CSMD3: variants seen among roughly 807,000 people sequenced by gnomAD.
CSMD3 encodes CUB and sushi domain-containing protein 3.
In CSMD3, 177 loss-of-function variants were observed where a neutral mutation model predicts 435.2. The ratio of observed to expected loss-of-function variants is 0.41; its 90% CI spans 0.36 to 0.46. CSMD3 has a LOEUF of 0.46. Ranked by LOEUF, CSMD3 falls within the 20% of genes least tolerant of loss-of-function variation. The probability of loss-of-function intolerance (pLI) is 0.34; values close to 1 mark genes in which losing one functional copy is unlikely to be tolerated. For missense variants in CSMD3, 4,265 were observed against 4,504.6 expected (o/e 0.95, Z 1.52); for synonymous variants, 1,656 against 1,520.5 (o/e 1.09, Z -2.07).
intron 3 of CSMD3, among the ~76,000 whole-genome samples, chr8:113,248,477 GTATA>G (rs1491296994): frequency 7.5e-6 from 1 of 133,024 alleles, no homozygotes. Context: ...TGATATATAT[GTATA>G]TATACATATA....
intron 67 of CSMD3, among the ~76,000 whole-genome samples, chr8:112,235,970 C>G (rs1813552189): frequency 6.6e-6 from 1 of 151,736 alleles, no homozygotes; most frequent in South Asian, 2.1e-4. Flanking sequence ...GTTAACACAT[C>G]AAAGTTAAAT....
At chr8:112,283,453 A>G (rs1818863196) in intron 58 of CSMD3, among the ~76,000 whole-genome samples, 1 of 151,786 alleles carries the variant, frequency 6.6e-6, no homozygotes, top group African/African-American at 2.4e-5. Context: ...TCCACCACTG[A>G]AAAATAGAAA....
chr8:112,884,695 T>A (rs1286111785), intron 10 of CSMD3, among the ~76,000 whole-genome samples: 1 of 151,514 alleles, frequency 6.6e-6, no homozygotes, highest in African/African-American at 2.4e-5. Flanking sequence ...TTCCACCTAA[T>A]CTCTTTAATT....
intron 13 of CSMD3, among the ~76,000 whole-genome samples, chr8:112,707,484 G>A (rs1460490846): frequency 5.4e-5 from 8 of 148,172 alleles, no homozygotes; most frequent in East Asian, 4.0e-4. Context: ...GTGGTGCGGC[G>A]GGAGGGGGGT....
chr8:112,897,974 GGT>G (rs1233998700), intron 10 of CSMD3, among the ~76,000 whole-genome samples: 1 of 150,978 alleles, frequency 6.6e-6, no homozygotes, highest in East Asian at 2.0e-4. Context: ...ACAAAATGGA[GGT>G]TTCAAGTTAA....
chr8:112,588,059 T>C (rs1319634229), intron 22 of CSMD3, among the ~76,000 whole-genome samples: 1 of 151,834 alleles, frequency 6.6e-6, no homozygotes, highest in Admixed American at 6.6e-5. Flanking sequence ...TCCTTCAAAT[T>C]CTTAAATATG....
At chr8:112,232,658 G>A (rs1001804765) in intron 68 of CSMD3, among the ~76,000 whole-genome samples, 1 of 152,148 alleles carries the variant, frequency 6.6e-6, no homozygotes, top group African/African-American at 2.4e-5. Context: ...TTACATATAT[G>A]TGCACATATA....
intron 35 of CSMD3, among the ~76,000 whole-genome samples, chr8:112,405,197 A>AAC (rs1831676575): frequency 2.4e-5 from 1 of 41,378 alleles, no homozygotes; most frequent in African/African-American, 7.9e-5. Context: ...AAAAAAAAAA[A>AAC]AAAAAAAAAA....
chr8:113,005,729 T>A (rs771593952), intron 6 of CSMD3, among the ~76,000 whole-genome samples: 2 of 152,058 alleles, frequency 1.3e-5, no homozygotes, highest in Non-Finnish European at 2.9e-5. Flanking sequence ...TACATTTAGA[T>A]TATCAGCTTA....
At chr8:112,658,604 G>A (rs974706426) in intron 17 of CSMD3, among the ~76,000 whole-genome samples, 3 of 152,136 alleles carry the variant, frequency 2.0e-5, no homozygotes, top group South Asian at 2.1e-4. Context: ...ATAATATGGT[G>A]TAGAGAAGGA....
intron 12 of CSMD3, among the ~76,000 whole-genome samples, chr8:112,804,028 A>G (rs2079022361): frequency 6.6e-6 from 1 of 152,176 alleles, no homozygotes; most frequent in Non-Finnish European, 1.5e-5. Context: ...GACTCACTGA[A>G]AGTAACTCCT....
chr8:112,969,696 C>T (rs192618042), intron 7 of CSMD3, among the ~76,000 whole-genome samples: 7 of 151,822 alleles, frequency 4.6e-5, no homozygotes, highest in African/African-American at 9.6e-5. Flanking sequence ...TATATGAAAA[C>T]GTTCCCAGAA....
At chr8:112,694,010 T>C (rs2076196715) in intron 13 of CSMD3, among the ~76,000 whole-genome samples, 1 of 151,864 alleles carries the variant, frequency 6.6e-6, no homozygotes, top group African/African-American at 2.4e-5. Flanking sequence ...TGTCATTTCC[T>C]AAATATTTAA....
chr8:112,439,303 G>C (rs371689454), intron 32 of CSMD3, among the ~76,000 whole-genome samples: 5 of 151,908 alleles, frequency 3.3e-5, no homozygotes, highest in Non-Finnish European at 5.9e-5. Flanking sequence ...ACCATGCCTG[G>C]CTAATTTTTT....
chr8:113,199,329 T>C (rs1424000361), intron 3 of CSMD3, among the ~76,000 whole-genome samples: 4 of 151,648 alleles, frequency 2.6e-5, no homozygotes, highest in Non-Finnish European at 4.4e-5. Flanking sequence ...CAGAGTGATA[T>C]GGTTAACAGA....
chr8:112,551,215 T>A (rs574041038), intron 26 of CSMD3, among the ~76,000 whole-genome samples: 2 of 152,222 alleles, frequency 1.3e-5, no homozygotes, highest in Admixed American at 1.3e-4. Flanking sequence ...GTTACATATA[T>A]TTTATTTGTT....
chr8:112,304,699 G>A (rs2130776179), intron 52 of CSMD3, 22 bp downstream of exon 52: 10 of 1,567,970 alleles, frequency 6.4e-6, no homozygotes, highest in Non-Finnish European at 8.8e-6. Context: ...TATGAAATAA[G>A]TTTAGCAGAG....
rs1483940590 is a variant in CSMD3 at position 112,442,229 on chromosome 8, A to G, written c.5395+30362T>C. ...TAACTCATTCATTACTGAGGAGGGCACCAAGACTTTCATGAGGGATCCATC... is the reference window on the plus strand; with the variant it reads ...TAACTCATTCATTACTGAGGAGGGCGCCAAGACTTTCATGAGGGATCCATC... On this transcript the variant is annotated intron_variant, in intron 32 of 70. Coordinates refer to ENST00000297405, the MANE Select transcript of CSMD3 (RefSeq NM_198123.2). Among the ~76,000 whole-genome samples, 5 of 152,168 alleles carry G rather than the reference A, an allele frequency of 3.3e-5. No individual in the cohort carries two copies. The East Asian group carries it at 7.7e-4, about 24-fold the overall frequency.
chr8:112,429,827 T>A (rs1813470383), intron 32 of CSMD3, among the ~76,000 whole-genome samples: 1 of 152,038 alleles, frequency 6.6e-6, no homozygotes, highest in South Asian at 2.1e-4. Flanking sequence ...GAATAGATCA[T>A]CAGAAATTTT....
Sources: gnomAD v4.1 joint callset for allele counts (sites outside exome capture counted in the v4.1 genomes callset) on GRCh38, gnomAD v4.1.1 for gene constraint, MANE v1.5 for transcripts, NCBI Gene and HGNC (gene_info 2026-07-23, HGNC 2026-07-21) for gene names.